The following NUP188 variants were observed in gnomAD, a reference collection of about 807,000 sequenced individuals.
NUP188 encodes the protein nucleoporin 188.
Under a neutral mutation model 223.0 loss-of-function variants are expected in NUP188, and 97 were observed. That is an observed-to-expected ratio of 0.43 (90% CI 0.37 to 0.51). NUP188 has a LOEUF of 0.51. NUP188 is among the 20% of genes least tolerant of loss of function. The probability of loss-of-function intolerance (pLI) is 0.00; values close to 1 mark genes in which losing one functional copy is unlikely to be tolerated. For synonymous variants in NUP188, 869 were observed against 828.0 expected, an observed-to-expected ratio of 1.05 and a Z score of -0.85; for missense variants, 1,947 against 2,175.6, an observed-to-expected ratio of 0.89 and a Z score of 2.09.
At chr9:128,973,675 A>AC (rs1387660301) in intron 12 of NUP188, among the ~76,000 whole-genome samples, 1 of 152,136 alleles carries the variant, frequency 6.6e-6, no homozygotes, top group Non-Finnish European at 1.5e-5. Flanking sequence ...GAGCCACTGC[A>AC]CCCGGCCTTG....
At chr9:128,956,179 ATGGGTG>A (rs1211698113) in intron 3 of NUP188, among the ~76,000 whole-genome samples, 165 bp from the exon 4 acceptor site, 12 of 126,012 alleles carry the variant, frequency 9.5e-5, no homozygotes, top group African/African-American at 3.5e-4. Context: ...GTAGAGGTGA[ATGGGTG>A]TGTGTGTGTG....
chr9:128,983,206 C>T (rs947554229), intron 17 of NUP188, 87 bp from the exon 18 acceptor site: 2 of 1,394,104 alleles, frequency 1.4e-6, no homozygotes, highest in East Asian at 2.3e-5. Context: ...AGGGGAGAGA[C>T]TGGGGAGAGA....
intron 34 of NUP188, among the ~76,000 whole-genome samples, chr9:129,001,326 T>C (rs1842661661): frequency 6.6e-6 from 1 of 151,940 alleles, no homozygotes; most frequent in Non-Finnish European, 1.5e-5. Flanking sequence ...GCTCATTAGA[T>C]TGGCTGGAGT....
Position 128,983,138 on chromosome 9 carries a change from T to G in NUP188, c.1796+110T>G, listed in dbSNP as rs1376357428. The stretch of plus-strand genomic sequence containing the variant: ...CCACTGGGTTAAAGTTCGCGCATAT[T>G]CCTTGGTTTTCCTGTTTTTATATCT... On this transcript the variant is annotated intron_variant, in intron 17 of 43. Coordinates refer to ENST00000372577, the MANE Select transcript of NUP188 (RefSeq NM_015354.3). The G allele has an allele frequency of 2.7e-6, 4 of 1,471,602 alleles. No individual in the cohort carries two copies. In the East Asian group the frequency reaches 9.1e-5, roughly 33 times the overall value. 91.2% of individuals were successfully genotyped at this position (1,471,602 alleles called of 1,614,324 possible). A position where few individuals can be genotyped will look rare whatever the true frequency, so the allele number is the denominator to read the frequency against.
intron 1 of NUP188, 62 bp downstream of exon 1, chr9:128,947,813 G>T: frequency 1.5e-6 from 2 of 1,324,398 alleles, no homozygotes; most frequent in Non-Finnish European, 1.9e-6. Context: ...CCGAGCGGAA[G>T]CGGGGCGGGA....
chr9:128,948,561 T>C (rs1289925546), intron 1 of NUP188: 1 of 151,980 alleles, frequency 6.6e-6, no homozygotes, highest in Non-Finnish European at 1.5e-5. Flanking sequence ...CAAGCTGAAG[T>C]CTGCGTACCT....
rs200531336 is a variant in NUP188 at position 129,002,800 on chromosome 9, T to C, written c.4138-17T>C. 372 of 1,612,236 alleles carry C rather than the reference T, an allele frequency of 2.3e-4. No individual in the cohort carries two copies. In the African/African-American group the frequency reaches 4.3e-3, roughly 19 times the overall value. On this transcript the variant is annotated splice_polypyrimidine_tract_variant and intron_variant, in intron 36 of 43. Transcript: ENST00000372577. ...TCTCAGCAGGGTTCCTGAGCTTGTCTGCTGTTTGTATCTTAGACACCTAGT... is the reference window on the plus strand; with the variant it reads ...TCTCAGCAGGGTTCCTGAGCTTGTCCGCTGTTTGTATCTTAGACACCTAGT...
At chr9:128,952,696 C>G in intron 2 of NUP188, 77 bp from the exon 3 acceptor site, 1 of 1,298,934 alleles carries the variant, frequency 7.7e-7, no homozygotes, top group South Asian at 1.2e-5. Context: ...GCACTCCAGC[C>G]TGGGTGATAG....
intron 25 of NUP188, among the ~76,000 whole-genome samples, chr9:128,992,545 G>A (rs1170704733): frequency 6.6e-6 from 1 of 152,200 alleles, no homozygotes; most frequent in Non-Finnish European, 1.5e-5. Context: ...ATATCAGGCA[G>A]TCTTGATGTG....
chr9:129,003,263 A>T, intron 37 of NUP188, 54 bp from the exon 38 acceptor site: 1 of 1,569,016 alleles, frequency 6.4e-7, no homozygotes, highest in African/African-American at 1.4e-5. Flanking sequence ...AGGTGTGGGT[A>T]TGTCAGGTCC....
At chr9:128,984,823 C>A in intron 19 of NUP188, 77 bp from the exon 20 acceptor site, 1 of 945,986 alleles carries the variant, frequency 1.1e-6, no homozygotes, top group Non-Finnish European at 1.6e-6. Context: ...TAGACTATAA[C>A]AAGAATGCTC....
Position 129,003,367 on chromosome 9 carries a change from G to C in NUP188, c.4347G>C (p.Ala1449=). 1 of 1,613,294 alleles carries C rather than the reference G, an allele frequency of 6.2e-7. No homozygotes were observed. Among genetic ancestry groups the C allele is most frequent in the Non-Finnish European group, 8.5e-7 (1 of 1,179,936 alleles). The change falls in exon 38 of 44, where the codon GCG becomes GCC. Residue 1449 remains alanine (A), a synonymous_variant. Transcript: ENST00000372577. ...AGAGTCTGGCCTGCCTGGAGGAGGC[G>C]GACCACACCGTGGGTTTTATTCTGC... ...TVQSLACLEE[A]DHTVGFILQL...
chr9:128,995,475 G>T lies in NUP188; in HGVS notation c.3312G>T (p.Val1104=), dbSNP rs778475958. 6.2e-7 allele frequency: 1 copy of T among 1,610,028 alleles called. No homozygotes were observed. Among genetic ancestry groups the T allele is most frequent in the Non-Finnish European group, 8.5e-7 (1 of 1,178,112 alleles). Residue 1104 remains valine, a synonymous_variant, in exon 30 of 44, where the codon GTG becomes GTT. Coordinates refer to ENST00000372577, the MANE Select transcript of NUP188 (RefSeq NM_015354.3). The part of the protein sequence containing the change: ...CTSLLEYQML[V]SAWRMLLIIA... The stretch of plus-strand genomic sequence containing the variant: ...CCTTGTTAGAGTACCAGATGCTGGT[G>T]TCCGCCTGGAGGATGCTTCTCATCA...
Position 128,964,259 on chromosome 9 carries a change from G to A in NUP188, c.586-4247G>A. The A allele has an allele frequency of 5.3e-6, 2 of 373,902 alleles. 1 individual carries two copies. Among genetic ancestry groups the A allele is most frequent in the Middle Eastern group, 7.7e-4 (2 of 2,590 alleles). The allele number at this position is 373,902 out of a possible 1,614,324, so 23.2% of individuals were successfully genotyped here. A position where few individuals can be genotyped will look rare whatever the true frequency, so the allele number is the denominator to read the frequency against. ...TTGTGGATGTTTGTCTTATCAAATTGTCAGAGTTCTTTATATACAGTATTG... is the reference window on the plus strand; with the variant it reads ...TTGTGGATGTTTGTCTTATCAAATTATCAGAGTTCTTTATATACAGTATTG... On this transcript the variant is annotated intron_variant, in intron 8 of 43. Transcript: ENST00000372577.
rs1841711180 is a variant in NUP188 at position 128,947,909 on chromosome 9, GGTCCCCGCGC to G, written c.32+160_32+169del. On this transcript the variant is annotated intron_variant, in intron 1 of 43. Coordinates refer to ENST00000372577, the MANE Select transcript of NUP188 (RefSeq NM_015354.3). ...AGACGGGAGGCGGTTACGTCCAAAC[GGTCCCCGCGC>G]GCGGGGATCTGAAGAGTCTTCTTCA... The G allele has an allele frequency of 4.6e-5, 26 of 562,400 alleles. No homozygotes were observed. The South Asian group carries it at 1.1e-3, about 23-fold the overall frequency. The allele number at this position is 562,400 out of a possible 1,614,324, so 34.8% of individuals were successfully genotyped here.
At chr9:128,961,246 C>A (rs909986724) in intron 8 of NUP188, among the ~76,000 whole-genome samples, 5 of 151,876 alleles carry the variant, frequency 3.3e-5, no homozygotes, top group African/African-American at 1.2e-4. Context: ...AGGAGAATTG[C>A]TTGAATCCAG....
rs1375468741 is a variant in NUP188, at chr9:129,005,314, G to C, written c.4521G>C (p.Gly1507=). Reference sequence around the variant, plus strand: ...TTGACTCTCCTTAGAACAAAAATGGGGATGGCCTCCCCTCAGCTGTTGCCC... The same window carrying C: ...TTGACTCTCCTTAGAACAAAAATGGCGATGGCCTCCCCTCAGCTGTTGCCC... The part of the protein sequence containing the change: ...MLQHYLQNKN[G]DGLPSAVAQR... Residue 1507 remains glycine, a synonymous_variant, in exon 40 of 44, where the codon GGG becomes GGC. Coordinates refer to ENST00000372577, the MANE Select transcript of NUP188 (RefSeq NM_015354.3). The C allele has an allele frequency of 6.2e-7, 1 of 1,614,018 alleles. No individual in the cohort carries two copies. The highest frequency in any genetic ancestry group is 8.5e-7 in the Non-Finnish European group (1 of 1,179,900).
intron 8 of NUP188, among the ~76,000 whole-genome samples, chr9:128,959,920 A>T (rs1325201910): frequency 6.6e-6 from 1 of 152,032 alleles, no homozygotes; most frequent in Non-Finnish European, 1.5e-5. Flanking sequence ...CTTAATTCTG[A>T]CTTTGACTTT....
At chr9:128,995,547 G>A (rs1842509631) in intron 30 of NUP188, 33 bp downstream of exon 30, 3 of 1,525,894 alleles carry the variant, frequency 2.0e-6, no homozygotes, top group African/African-American at 1.4e-5. Context: ...TTTCACTTTG[G>A]TACCTTAGCA....
Sources: allele counts gnomAD v4.1 joint callset (sites outside exome capture counted in the v4.1 genomes callset), GRCh38; gene constraint gnomAD v4.1.1; transcripts MANE v1.5; gene names NCBI Gene and HGNC (gene_info 2026-07-23, HGNC 2026-07-21).